Variants in TOPBP1 observed in about 807,000 individuals in gnomAD.
The protein encoded by TOPBP1 is DNA topoisomerase 2-binding protein 1.
A neutral mutation model predicts 167.7 loss-of-function variants in TOPBP1; 28 were observed. That is an observed-to-expected ratio of 0.17 (90% confidence interval 0.12 to 0.23). The LOEUF is 0.23. Ranked by LOEUF, TOPBP1 falls within the 10% of genes least tolerant of loss-of-function variation. The pLI is 1.00. For missense variants in TOPBP1, 1,554 were observed against 1,809.6 expected (o/e 0.86, Z 2.56); for synonymous variants, 598 against 611.4 (o/e 0.98, Z 0.32).
At chr3:133,617,479 C>G (rs573309636) in intron 21 of TOPBP1, 153 bp from the exon 22 acceptor site, 4 of 744,326 alleles carry the variant, frequency 5.4e-6, no homozygotes, top group Non-Finnish European at 7.7e-6. Flanking sequence ...ATCCCCAGAA[C>G]TTATAAATAA....
chr3:133,629,988 A>G (rs1011490418), intron 14 of TOPBP1, among the ~76,000 whole-genome samples: 5 of 152,032 alleles, frequency 3.3e-5, no homozygotes, highest in African/African-American at 1.2e-4. Context: ...GGGTTTCACC[A>G]TGTTGCTCAA....
At position 133,644,245 on chromosome 3, in the gene TOPBP1, G is replaced by T. The variant is rs953743244; in HGVS notation, c.1623C>A (p.Val541=). 2.5e-6 allele frequency: 4 copies of T among 1,613,824 alleles called. No homozygotes were observed. Among genetic ancestry groups the T allele is most frequent in the Non-Finnish European group, 3.4e-6 (4 of 1,179,820 alleles). Residue 541 remains valine (V), a synonymous_variant, in exon 11 of 28, where the codon GTC becomes GTA. Transcript: ENST00000260810. ...EENQSSVSHC[V]PDVSTITEEG... is the part of the protein sequence containing the mutation. ...CTTCAGTAATTGTAGAAACATCAGG[G>T]ACACAATGACTGACAGAAGACTGGT...
rs746334042 is a variant in TOPBP1, at chr3:133,624,070, G to A, written c.2910C>T (p.Ser970=). Residue 970 remains serine, a synonymous_variant, in exon 17 of 28, where the codon TCC becomes TCT. Transcript: ENST00000260810. ...SVKERGVHIV[S]EHWLLDCAQE... Reference sequence around the variant, plus strand: ...TGCTTACATCTAAAAGCCAGTGCTCGGAAACAATGTGTACTCCTCTTTCTT... The same window carrying A: ...TGCTTACATCTAAAAGCCAGTGCTCAGAAACAATGTGTACTCCTCTTTCTT... 6.8e-6 allele frequency: 11 copies of A among 1,612,852 alleles called. No homozygotes were observed. Among genetic ancestry groups the A allele is most frequent in the South Asian group, 6.6e-5 (6 of 90,904 alleles).
chr3:133,635,271 TG>T (rs543436294), intron 14 of TOPBP1, among the ~76,000 whole-genome samples: 3 of 152,160 alleles, frequency 2.0e-5, no homozygotes, highest in Non-Finnish European at 4.4e-5. Context: ...TATTTCTTTT[TG>T]AGACAGGGTC....
In TOPBP1 at chr3:133,624,036, A is replaced by T; in HGVS notation, c.2928+16T>A. The stretch of plus-strand genomic sequence containing the variant: ...TTTCAATTAACAGAGATGGGGGGGA[A>T]AAAAGCACTGCTTACATCTAAAAGC... On this transcript the variant is annotated intron_variant, in intron 17 of 27. Transcript: ENST00000260810. The T allele has an allele frequency of 1.2e-6, 2 of 1,605,946 alleles. No homozygotes were observed. The highest frequency in any genetic ancestry group is 1.1e-5 in the South Asian group (1 of 89,206).
intron 23 of TOPBP1, among the ~76,000 whole-genome samples, chr3:133,615,510 T>C (rs1010132302): frequency 3.9e-5 from 6 of 151,964 alleles, no homozygotes; most frequent in Admixed American, 2.0e-4. Context: ...CCAATATTTC[T>C]TAATGTTTTC....
chr3:133,653,895 A>G lies in TOPBP1; in HGVS notation c.743-371T>C, dbSNP rs535962888. Among the ~76,000 whole-genome samples, 33 of 152,174 alleles carry G rather than the reference A, an allele frequency of 2.2e-4. No homozygotes were observed. In the South Asian group the frequency reaches 6.4e-3, roughly 30 times the overall value. The stretch of plus-strand genomic sequence containing the variant: ...GATTCGCCTGCCTTGGCCTCCCAAA[A>G]TGCTGGGATTACAAGCGTGAGCAAC... On this transcript the variant is annotated intron_variant, in intron 6 of 27. Coordinates refer to ENST00000260810, the MANE Select transcript of TOPBP1 (RefSeq NM_007027.4).
At chr3:133,642,188 G>A (rs921997694) in intron 12 of TOPBP1, among the ~76,000 whole-genome samples, 2 of 151,724 alleles carry the variant, frequency 1.3e-5, no homozygotes, top group African/African-American at 2.4e-5. Context: ...ATAGAGACGA[G>A]GTCTCACTAT....
intron 14 of TOPBP1, among the ~76,000 whole-genome samples, chr3:133,634,509 C>T (rs1935600188): frequency 6.6e-6 from 1 of 151,796 alleles, no homozygotes; most frequent in Non-Finnish European, 1.5e-5. Flanking sequence ...GAGCGAGACT[C>T]TGTCTTAAAA....
At chr3:133,626,195 C>T (rs1328163896) in intron 16 of TOPBP1, among the ~76,000 whole-genome samples, 3 of 152,202 alleles carry the variant, frequency 2.0e-5, no homozygotes, top group Admixed American at 6.5e-5. Flanking sequence ...AGTGAAAAGG[C>T]ATTGCTGTAT....
At chr3:133,650,937 T>A (rs1650072467) in intron 8 of TOPBP1, among the ~76,000 whole-genome samples, 1 of 151,740 alleles carries the variant, frequency 6.6e-6, no homozygotes, top group African/African-American at 2.4e-5. Flanking sequence ...GGTGAAACCC[T>A]CACCTCTACT....
At chr3:133,612,285 C>T (rs745340766) in intron 24 of TOPBP1, 104 bp downstream of exon 24, 19 of 1,328,558 alleles carry the variant, frequency 1.4e-5, no homozygotes, top group Non-Finnish European at 2.0e-5. Flanking sequence ...GGTGATCCAC[C>T]CACCTCGGCC....
rs1934281804 is a variant in TOPBP1, at chr3:133,601,194, T to G, written c.*56A>C. On this transcript the variant is annotated 3_prime_UTR_variant, in exon 28 of 28. Coordinates refer to ENST00000260810, the MANE Select transcript of TOPBP1 (RefSeq NM_007027.4). The stretch of plus-strand genomic sequence containing the variant: ...CTACCCAAATCTATCACAGTCACAT[T>G]CAGGCTTTCAATTTTTAAAAACATT... 1 of 1,477,564 alleles carries G rather than the reference T, an allele frequency of 6.8e-7. No homozygotes were observed. Among genetic ancestry groups the G allele is most frequent in the African/African-American group, 1.4e-5 (1 of 69,448 alleles). 91.5% of individuals were successfully genotyped at this position (1,477,564 alleles called of 1,614,324 possible).
At chr3:133,625,484 G>T (rs998354687) in intron 16 of TOPBP1, among the ~76,000 whole-genome samples, 2 of 152,154 alleles carry the variant, frequency 1.3e-5, no homozygotes, top group African/African-American at 4.8e-5. Flanking sequence ...TGTAATTCCA[G>T]TACTTTGGGA....
chr3:133,638,277 T>C, intron 13 of TOPBP1, 115 bp from the exon 14 acceptor site: 2 of 1,025,224 alleles, frequency 2.0e-6, no homozygotes, highest in East Asian at 2.6e-5. Flanking sequence ...GCATAACTCC[T>C]GGGCTCAAGA....
intron 27 of TOPBP1, among the ~76,000 whole-genome samples, chr3:133,604,334 G>A (rs11720825): frequency 0.14 from 21,396 of 151,050 alleles, 2,046 homozygotes; most frequent in Non-Finnish European, 0.2. Context: ...ACAGGGTTTC[G>A]CTATGTTGGC....
chr3:133,638,197 C>G (rs753587462), intron 13 of TOPBP1, 35 bp from the exon 14 acceptor site: 2 of 1,572,288 alleles, frequency 1.3e-6, no homozygotes, highest in Non-Finnish European at 1.7e-6. Flanking sequence ...CAAATATGAG[C>G]CACTAATGCC....
intron 12 of TOPBP1, among the ~76,000 whole-genome samples, chr3:133,641,079 A>AC (rs1458015936): frequency 6.6e-6 from 1 of 151,308 alleles, no homozygotes; most frequent in Middle Eastern, 3.2e-3. Flanking sequence ...GTTTCCTAGC[A>AC]CTTTTTTTTT....
rs774088683 is a variant in TOPBP1, at chr3:133,600,573, T to C, written c.*677A>G. The C allele has an allele frequency of 6.6e-6, 1 of 152,662 alleles. No individual in the cohort carries two copies. Among genetic ancestry groups the C allele is most frequent in the Non-Finnish European group, 1.5e-5 (1 of 68,058 alleles). 9.5% of individuals were successfully genotyped at this position (152,662 alleles called of 1,614,324 possible). A position where few individuals can be genotyped will look rare whatever the true frequency, so the allele number is the denominator to read the frequency against. ...TCATTTTTTACGTTACATAAATGTT[T>C]TGTTGCTTCAACAGAAGAACAGATG... On this transcript the variant is annotated 3_prime_UTR_variant, in exon 28 of 28. Coordinates refer to ENST00000260810, the MANE Select transcript of TOPBP1 (RefSeq NM_007027.4).
Sources: allele counts gnomAD v4.1 joint callset (sites outside exome capture counted in the v4.1 genomes callset), GRCh38; gene constraint gnomAD v4.1.1; transcripts MANE v1.5; gene names NCBI Gene and HGNC (gene_info 2026-07-23, HGNC 2026-07-21).